The following JAM3 variants were observed in gnomAD, a reference collection of about 807,000 sequenced individuals.
JAM3 encodes the protein junctional adhesion molecule 3, also known as junctional adhesion molecule C.
A neutral mutation model predicts 39.4 loss-of-function variants in JAM3; 31 were observed. That is an observed-to-expected ratio of 0.79 (90% CI 0.59 to 1.06). JAM3 has a LOEUF of 1.06. Among genes scored for constraint, JAM3 ranks in the 50% least tolerant of loss-of-function variants. The probability of loss-of-function intolerance (pLI) is 0.00; values close to 1 mark genes in which losing one functional copy is unlikely to be tolerated. For synonymous variants in JAM3, 182 were observed against 148.7 expected (o/e 1.22, Z -1.63); for missense variants, 455 against 391.4 (o/e 1.16, Z -1.37).
chr11:134,094,311 A>G (rs1209676223), intron 1 of JAM3, among the ~76,000 whole-genome samples: 2 of 140,174 alleles, frequency 1.4e-5, no homozygotes, highest in Non-Finnish European at 3.1e-5. Flanking sequence ...CTCCTTATTC[A>G]TCATGTTCCA....
chr11:134,109,565 A>G (rs1002707400), intron 1 of JAM3, among the ~76,000 whole-genome samples: 3 of 152,226 alleles, frequency 2.0e-5, no homozygotes, highest in African/African-American at 7.2e-5. Context: ...GTCTCAATCA[A>G]TTGAGAACTT....
intron 1 of JAM3, among the ~76,000 whole-genome samples, chr11:134,118,306 G>A (rs570614305): frequency 3.4e-4 from 52 of 152,256 alleles, no homozygotes; most frequent in African/African-American, 1.3e-3. Flanking sequence ...CTGGTCTGCA[G>A]TTAGAAAAAG....
intron 1 of JAM3, among the ~76,000 whole-genome samples, chr11:134,086,528 C>T (rs1484487534): frequency 6.6e-6 from 1 of 152,014 alleles, no homozygotes; most frequent in Non-Finnish European, 1.5e-5. Context: ...GATTAGACCT[C>T]CTATGCCTAG....
chr11:134,078,511 G>A (rs985376824), intron 1 of JAM3, among the ~76,000 whole-genome samples: 3 of 152,154 alleles, frequency 2.0e-5, no homozygotes. Context: ...ATATTGGTTT[G>A]TCCTTTTAAA....
Position 134,129,426 on chromosome 11 carries a change from T to G in JAM3, c.77-10425T>G, listed in dbSNP as rs573992016. ...CTACTGTGCCCAGCCTCTTTTCAAGTTCTTATAAGGACACTAGTCATATTG... is the reference window on the plus strand; with the variant it reads ...CTACTGTGCCCAGCCTCTTTTCAAGGTCTTATAAGGACACTAGTCATATTG... On this transcript the variant is annotated intron_variant, in intron 1 of 8. Coordinates refer to ENST00000299106, the MANE Select transcript of JAM3 (RefSeq NM_032801.5). Among the ~76,000 whole-genome samples the G allele has an allele frequency of 2.9e-3, 441 of 152,186 alleles. 1 individual carries two copies. Among genetic ancestry groups the G allele is most frequent in the Non-Finnish European group, 4.3e-3 (294 of 67,996 alleles).
intron 1 of JAM3, among the ~76,000 whole-genome samples, chr11:134,076,205 A>AGTACAATG (rs1260258956): frequency 8.3e-6 from 1 of 120,396 alleles, no homozygotes; most frequent in Non-Finnish European, 1.6e-5. Flanking sequence ...CCCAGGCTGG[A>AGTACAATG]GTACAATGGT....
At chr11:134,113,802 C>A (rs1161215745) in intron 1 of JAM3, among the ~76,000 whole-genome samples, 1 of 152,204 alleles carries the variant, frequency 6.6e-6, no homozygotes, top group East Asian at 1.9e-4. Flanking sequence ...AGTTTACAGT[C>A]CCACCAACAG....
At chr11:134,130,166 T>C (rs1262760651) in intron 1 of JAM3, among the ~76,000 whole-genome samples, 1 of 152,206 alleles carries the variant, frequency 6.6e-6, no homozygotes, top group Non-Finnish European at 1.5e-5. Flanking sequence ...TAGTTCTACC[T>C]GAAGCAATTA....
intron 1 of JAM3, among the ~76,000 whole-genome samples, chr11:134,087,592 T>G (rs1323324661): frequency 1.3e-5 from 2 of 152,190 alleles, no homozygotes; most frequent in Non-Finnish European, 2.9e-5. Flanking sequence ...TTTCTCTTCT[T>G]ACGTATACAG....
intron 1 of JAM3, among the ~76,000 whole-genome samples, chr11:134,098,307 GC>G (rs1419378990): frequency 1.3e-5 from 2 of 152,118 alleles, no homozygotes; most frequent in Non-Finnish European, 2.9e-5. Context: ...TAAGAGCAAT[GC>G]CAAATTAACT....
At chr11:134,078,151 G>T (rs532989897) in intron 1 of JAM3, among the ~76,000 whole-genome samples, 1 of 151,764 alleles carries the variant, frequency 6.6e-6, no homozygotes, top group African/African-American at 2.4e-5. Flanking sequence ...CTGGAGTCTC[G>T]CTCTGTTGCC....
intron 1 of JAM3, chr11:134,124,191 C>G (rs1340230193): frequency 6.9e-6 from 10 of 1,446,608 alleles, no homozygotes; most frequent in Middle Eastern, 1.8e-4. Flanking sequence ...CGTAGCATCA[C>G]AAACTCGAAC....
chr11:134,125,705 C>A (rs538134312), intron 1 of JAM3, among the ~76,000 whole-genome samples: 2 of 152,306 alleles, frequency 1.3e-5, no homozygotes, highest in South Asian at 2.1e-4. Flanking sequence ...TGAGCCCCGA[C>A]AATACTCAGG....
chr11:134,131,641 T>G (rs1032672972), intron 1 of JAM3, among the ~76,000 whole-genome samples: 1 of 152,198 alleles, frequency 6.6e-6, no homozygotes, highest in Non-Finnish European at 1.5e-5. Context: ...AGCCAAAGAC[T>G]ATTTGTTTAA....
chr11:134,123,840 T>C (rs745500963), intron 1 of JAM3: 4 of 789,526 alleles, frequency 5.1e-6, no homozygotes, highest in Non-Finnish European at 9.3e-6. Context: ...AACACAGCAG[T>C]GCCCGTTGGT....
At chr11:134,138,463 G>A (rs1459794902) in intron 1 of JAM3, among the ~76,000 whole-genome samples, 3 of 149,384 alleles carry the variant, frequency 2.0e-5, no homozygotes, top group Non-Finnish European at 2.9e-5. Context: ...GCCAGTGGTG[G>A]TGTCTCGTCG....
chr11:134,069,477 G>A (rs974897465), intron 1 of JAM3, among the ~76,000 whole-genome samples: 1 of 151,698 alleles, frequency 6.6e-6, no homozygotes, highest in African/African-American at 2.4e-5. Flanking sequence ...CTTCTCGGGC[G>A]GGGTCCTGTG....
chr11:134,139,684 G>C, intron 1 of JAM3, 167 bp from the exon 2 acceptor site: 1 of 652,988 alleles, frequency 1.5e-6, no homozygotes, highest in East Asian at 2.8e-5. Context: ...ATTTGAGAGA[G>C]AAAGCAGTTA....
At chr11:134,076,443 C>T (rs879300474) in intron 1 of JAM3, among the ~76,000 whole-genome samples, 9 of 152,064 alleles carry the variant, frequency 5.9e-5, no homozygotes, top group African/African-American at 1.7e-4. Context: ...TGTGAGCCAC[C>T]GCACCTGGCT....
Sources: gnomAD v4.1 joint callset for allele counts (sites outside exome capture counted in the v4.1 genomes callset) on GRCh38, gnomAD v4.1.1 for gene constraint, MANE v1.5 for transcripts, NCBI Gene and HGNC (gene_info 2026-07-23, HGNC 2026-07-21) for gene names.